The following IQCK variants were observed in gnomAD, a reference collection of about 807,000 sequenced individuals.
IQCK encodes the protein IQ domain-containing protein K.
In IQCK, 29 loss-of-function variants were observed where a neutral mutation model predicts 28.1. The ratio of observed to expected loss-of-function variants is 1.03; its 90% CI spans 0.77 to 1.41. The LOEUF is 1.41. IQCK is among the 40% of genes most tolerant of loss of function. The pLI is 0.00. For synonymous variants in IQCK, 113 were observed against 115.1 expected, an observed-to-expected ratio of 0.98 and a Z score of 0.12; for missense variants, 359 against 314.7, an observed-to-expected ratio of 1.14 and a Z score of -1.07.
At chr16:19,720,471 G>A (rs1411714076) in intron 1 of IQCK, among the ~76,000 whole-genome samples, 1 of 152,222 alleles carries the variant, frequency 6.6e-6, no homozygotes, top group Non-Finnish European at 1.5e-5. Context: ...ACAGATAATT[G>A]TTGTGCCTAC....
At chr16:19,848,617 T>G (rs1400296582) in intron 9 of IQCK, among the ~76,000 whole-genome samples, 1 of 152,224 alleles carries the variant, frequency 6.6e-6, no homozygotes, top group Non-Finnish European at 1.5e-5. Context: ...TGCCACATAC[T>G]GGTGCCACCA....
rs115787612 is a variant in IQCK, at chr16:19,720,164, C to T, written c.181+1677C>T. ...CTCAGTTGATAGATGCCCTCCAAAG[C>T]TGTCTGTTTCAACCCCATCCAGTAC... is the stretch of plus-strand genomic sequence containing the variant. On this transcript the variant is annotated intron_variant, in intron 1 of 7. Transcript: ENST00000564186. Among the ~76,000 whole-genome samples, 297 of 152,318 alleles carry T rather than the reference C, an allele frequency of 1.9e-3. 3 individuals are homozygous for T. Among genetic ancestry groups the T allele is most frequent in the African/African-American group, 7.0e-3 (289 of 41,570 alleles).
intron 7 of IQCK, among the ~76,000 whole-genome samples, chr16:19,814,220 C>CAAAA (rs71146272): frequency 5.1e-4 from 10 of 19,438 alleles, no homozygotes; most frequent in South Asian, 2.0e-3. Context: ...AACTCTATCT[C>CAAAA]AAAAAAAAAA....
At chr16:19,733,530 C>G (rs376244478) in intron 2 of IQCK, among the ~76,000 whole-genome samples, 168 bp from the exon 3 acceptor site, 1 of 152,122 alleles carries the variant, frequency 6.6e-6, no homozygotes, top group Non-Finnish European at 1.5e-5. Context: ...TCTGCCTTGT[C>G]GTTTATAGGT....
downstream of IQCK, among the ~76,000 whole-genome samples, chr16:19,830,972 G>T (rs979439051): frequency 1.3e-5 from 2 of 152,150 alleles, no homozygotes; most frequent in African/African-American, 2.4e-5. Flanking sequence ...TTTCATGTAG[G>T]ACCGTGTTTG....
At chr16:19,741,187 T>A (rs2054829890) in intron 4 of IQCK, among the ~76,000 whole-genome samples, 1 of 152,134 alleles carries the variant, frequency 6.6e-6, no homozygotes, top group Admixed American at 6.6e-5. Flanking sequence ...TGTCTGTTTT[T>A]TTCACTCCTC....
chr16:19,816,085 T>A (rs1332880138), intron 7 of IQCK, among the ~76,000 whole-genome samples: 1 of 152,182 alleles, frequency 6.6e-6, no homozygotes, highest in East Asian at 1.9e-4. Flanking sequence ...ATATATGAAC[T>A]GCCTTCCTCC....
At position 19,856,618 on chromosome 16, in the gene IQCK, GCT is replaced by G. The variant is rs1157482714; in HGVS notation, c.*79_*80del. On this transcript the variant is annotated 3_prime_UTR_variant, in exon 10 of 10. Transcript: ENST00000320394. ...TGTGCAAGGAAAATGTCCAAATGAT[GCT>G]CTCTCTCTTGTGATTTCTTTAACAA... 2.0e-5 allele frequency: 25 copies of G among 1,233,192 alleles called. No homozygotes were observed. In the Admixed American group the frequency reaches 3.1e-4, roughly 15 times the overall value. The allele number at this position is 1,233,192 out of a possible 1,614,324, so 76.4% of individuals were successfully genotyped here. A position where few individuals can be genotyped will look rare whatever the true frequency, so the allele number is the denominator to read the frequency against.
intron 1 of IQCK, among the ~76,000 whole-genome samples, chr16:19,719,821 C>T (rs1192542933): frequency 6.6e-6 from 1 of 151,366 alleles, no homozygotes; most frequent in Non-Finnish European, 1.5e-5. Flanking sequence ...TTACAGGCAC[C>T]CGTCATCATT....
intron 9 of IQCK, among the ~76,000 whole-genome samples, chr16:19,851,692 G>A (rs904107610): frequency 2.6e-4 from 39 of 152,272 alleles, no homozygotes; most frequent in African/African-American, 8.9e-4. Flanking sequence ...CAGCCCTTCC[G>A]GAACTGGCTG....
chr16:19,858,233 G>A (rs1042600150), exon 10 of IQCK: 65 of 361,614 alleles, frequency 1.8e-4, no homozygotes, highest in South Asian at 1.2e-4. Flanking sequence ...TCCCGCCTCC[G>A]CCCCCATTAT....
intron 6 of IQCK, among the ~76,000 whole-genome samples, chr16:19,771,331 A>G (rs34436552): frequency 0.15 from 22,877 of 152,160 alleles, 1,959 homozygotes; most frequent in South Asian, 0.27. Flanking sequence ...AGCTCAAGCA[A>G]TCTGCCTGCC....
Position 19,759,900 on chromosome 16 carries a change from G to A in IQCK, c.475-3948G>A, listed in dbSNP as rs190105101. ...CAAGAGGCTGAGGCAGGAGGCAGGA[G>A]GATCACTTGAGCCCAGGAGTTTGAG... On this transcript the variant is annotated intron_variant, in intron 4 of 7. Transcript: ENST00000564186. 8.5e-5 allele frequency among the ~76,000 whole-genome samples: 13 copies of A among 152,140 alleles called. No homozygotes were observed. In the East Asian group the frequency reaches 2.3e-3, roughly 27 times the overall value.
chr16:19,776,812 C>CA (rs2055402673), intron 6 of IQCK, among the ~76,000 whole-genome samples: 1 of 152,170 alleles, frequency 6.6e-6, no homozygotes, highest in African/African-American at 2.4e-5. Context: ...TAGATGATGT[C>CA]ATATCTCCCG....
At chr16:19,778,944 A>G (rs1266589328) in intron 6 of IQCK, among the ~76,000 whole-genome samples, 1 of 152,224 alleles carries the variant, frequency 6.6e-6, no homozygotes, top group East Asian at 1.9e-4. Context: ...TCCTAGGGCT[A>G]CTGCGAGAAA....
intron 1 of IQCK, among the ~76,000 whole-genome samples, chr16:19,727,885 T>C (rs1977710315): frequency 6.6e-6 from 1 of 152,128 alleles, no homozygotes; most frequent in African/African-American, 2.4e-5. Flanking sequence ...TGGGCTGGTA[T>C]GGTAGGCGGA....
At position 19,718,497 on chromosome 16, in the gene IQCK, C is replaced by T. The variant is rs981093862; in HGVS notation, c.181+10C>T. 2 of 1,588,306 alleles carry T rather than the reference C, an allele frequency of 1.3e-6. No homozygotes were observed. The highest frequency in any genetic ancestry group is 1.8e-5 in the Admixed American group (1 of 55,558). On this transcript the variant is annotated intron_variant, in intron 1 of 7. Coordinates refer to ENST00000564186, the Ensembl canonical transcript of IQCK. ...GAGCAGATCTGCAAGGGTAGGAAAC[C>T]TGGGCTGGCCGAGAGGGGCGGGACC... is the stretch of plus-strand genomic sequence containing the variant.
intron 9 of IQCK, among the ~76,000 whole-genome samples, chr16:19,844,118 CA>C (rs1208824597): frequency 6.8e-6 from 1 of 147,652 alleles, no homozygotes; most frequent in African/African-American, 2.5e-5. Context: ...CTGGCTCTGT[CA>C]CCCAGGCTGG....
intron 6 of IQCK, among the ~76,000 whole-genome samples, chr16:19,786,443 A>G (rs2055562854): frequency 6.7e-6 from 1 of 148,262 alleles, no homozygotes; most frequent in Admixed American, 6.6e-5. Context: ...CATGCCTGTA[A>G]TCCCAGCACT....
Sources: gnomAD v4.1 joint callset for allele counts (sites outside exome capture counted in the v4.1 genomes callset) on GRCh38, gnomAD v4.1.1 for gene constraint, MANE v1.5 for transcripts, NCBI Gene and HGNC (gene_info 2026-07-23, HGNC 2026-07-21) for gene names.